SCN7A: variants seen among roughly 807,000 people sequenced by gnomAD.
The protein encoded by SCN7A is sodium channel protein type 7 subunit alpha.
A neutral mutation model predicts 155.2 loss-of-function variants in SCN7A; 138 were observed. The observed-to-expected ratio is 0.89, with a 90% CI of 0.77 to 1.02. The LOEUF (loss-of-function observed/expected upper bound fraction) is 1.02, where lower values mean the gene tolerates loss of function less well. SCN7A is among the 50% of genes least tolerant of loss of function. SCN7A has a pLI of 0.00. For missense variants in SCN7A, 2,058 were observed against 1,986.6 expected (o/e 1.04, Z -0.68); for synonymous variants, 693 against 649.0 (o/e 1.07, Z -1.03).
chr2:166,419,541 AT>A (rs1010842998), intron 20 of SCN7A, among the ~76,000 whole-genome samples: 1 of 151,634 alleles, frequency 6.6e-6, no homozygotes, highest in East Asian at 2.0e-4. Context: ...TAATTTTTGT[AT>A]TTTTTGTAGA....
chr2:166,488,861 T>C (rs1172382), intron 1 of SCN7A, among the ~76,000 whole-genome samples: 150,200 of 152,156 alleles, frequency 0.99, 74,168 homozygotes, highest in Middle Eastern at 1. Flanking sequence ...TGGTTTCAAA[T>C]TCCTGACCTC....
chr2:166,490,194 T>A (rs959247162), intron 1 of SCN7A, among the ~76,000 whole-genome samples: 21 of 152,136 alleles, frequency 1.4e-4, no homozygotes, highest in African/African-American at 5.1e-4. Flanking sequence ...AGAACACTTA[T>A]ACTTATGCCT....
chr2:166,416,843 C>G lies in SCN7A; in HGVS notation c.3278G>C (p.Gly1093Ala). The change falls in exon 21 of 26, where the codon GGA becomes GCA. Residue 1093 changes from glycine (G) to alanine (A), a missense_variant. Coordinates refer to ENST00000643258, the MANE Select transcript of SCN7A (RefSeq NM_002976.4). ...GACTTCAGATGAAGGAAACCTTTCT[C>G]CACTTGTTGGGTCAATGCATTCATA... Reference protein sequence around the residue: ...RFYECIDPTSGERFPSSEVMN... With the variant: ...RFYECIDPTSAERFPSSEVMN... The G allele has an allele frequency of 6.2e-7, 1 of 1,613,670 alleles. No individual in the cohort carries two copies. Among genetic ancestry groups the G allele is most frequent in the Non-Finnish European group, 8.5e-7 (1 of 1,179,762 alleles).
intron 11 of SCN7A, among the ~76,000 whole-genome samples, chr2:166,453,639 C>A (rs1303197639): frequency 1.3e-5 from 2 of 152,124 alleles, no homozygotes; most frequent in African/African-American, 2.4e-5. Flanking sequence ...ACAAACTTGG[C>A]AAACATCATT....
chr2:166,441,375 G>T (rs777757175), intron 15 of SCN7A, 21 bp downstream of exon 15: 8 of 1,507,294 alleles, frequency 5.3e-6, no homozygotes, highest in Admixed American at 2.0e-5. Flanking sequence ...CATGGAAAAT[G>T]TAAAAGAATT....
At chr2:166,471,674 T>C (rs893867494) in intron 6 of SCN7A, among the ~76,000 whole-genome samples, 3 of 129,942 alleles carry the variant, frequency 2.3e-5, no homozygotes, top group African/African-American at 1.0e-4. Context: ...TAGAAGCATT[T>C]TAAAAAGAGA....
Position 166,431,508 on chromosome 2 carries a change from G to T in SCN7A, c.2592+810C>A, listed in dbSNP as rs1053053648. ...CTGAGTGATCTGAAATGATTCCCTA[G>T]TGGGGTCCAAGGTAAAAAGCCCTTG... On this transcript the variant is annotated intron_variant, in intron 16 of 25. Transcript: ENST00000643258. Among the ~76,000 whole-genome samples, 5 of 152,040 alleles carry T rather than the reference G, an allele frequency of 3.3e-5. No individual in the cohort carries two copies. The South Asian group carries it at 1.0e-3, about 32-fold the overall frequency.
intron 11 of SCN7A, among the ~76,000 whole-genome samples, chr2:166,451,072 T>C (rs1702166968): frequency 1.3e-5 from 2 of 152,156 alleles, no homozygotes; most frequent in South Asian, 2.1e-4. Context: ...TTACTCTTCA[T>C]AGAGCTGTTT....
rs1702003693 is a variant in SCN7A at position 166,443,595 on chromosome 2, T to C, written c.1708A>G (p.Asn570Asp). Reference sequence around the variant, plus strand: ...AACACTATCATGCTATCAAAAATGTTCCAACCTACTTGGAAATACCCATAT... The same window carrying C: ...AACACTATCATGCTATCAAAAATGTCCCAACCTACTTGGAAATACCCATAT... ...HPYGYFQVGW[N>D]IFDSMIVFHG... The change falls in exon 14 of 26, where the codon AAC becomes GAC. Residue 570 changes from asparagine to aspartate, a missense_variant. Transcript: ENST00000643258. 2 of 1,582,518 alleles carry C rather than the reference T, an allele frequency of 1.3e-6. No individual in the cohort carries two copies. The highest frequency in any genetic ancestry group is 1.7e-6 in the Non-Finnish European group (2 of 1,163,216).
intron 21 of SCN7A, among the ~76,000 whole-genome samples, chr2:166,414,277 TA>T (rs1364926755): frequency 3.0e-5 from 1 of 33,078 alleles, no homozygotes; most frequent in African/African-American, 1.3e-4. Context: ...CACACATATA[TA>T]TATATATACA....
chr2:166,406,306 A>G lies in SCN7A; in HGVS notation c.4323T>C (p.Asp1441=). Residue 1441 remains aspartate (D), a synonymous_variant, in exon 26 of 26, where the codon GAT becomes GAC. Coordinates refer to ENST00000643258, the MANE Select transcript of SCN7A (RefSeq NM_002976.4). ...AIFAGWDGML[D]AIFNSKWSDC... ...CAGACCATTTACTGTTGAAAATTGCATCAAGCATCCCATCCCAACCAGCAA... is the reference window on the plus strand; with the variant it reads ...CAGACCATTTACTGTTGAAAATTGCGTCAAGCATCCCATCCCAACCAGCAA... 1 of 1,613,176 alleles carries G rather than the reference A, an allele frequency of 6.2e-7. No individual in the cohort carries two copies. Among genetic ancestry groups the G allele is most frequent in the Non-Finnish European group, 8.5e-7 (1 of 1,179,432 alleles).
intron 2 of SCN7A, among the ~76,000 whole-genome samples, chr2:166,484,383 A>G (rs1397286258): frequency 7.2e-5 from 11 of 151,888 alleles, no homozygotes; most frequent in East Asian, 1.9e-4. Context: ...ATAAATAGAT[A>G]TATTTATGTA....
chr2:166,451,863 C>A (rs80305454), intron 11 of SCN7A, among the ~76,000 whole-genome samples: 1,955 of 152,254 alleles, frequency 0.013, 49 homozygotes, highest in African/African-American at 0.045. Flanking sequence ...AATATCCAGC[C>A]TCAACAATTA....
At chr2:166,484,177 C>A (rs1575068950) in intron 2 of SCN7A, among the ~76,000 whole-genome samples, 1 of 151,874 alleles carries the variant, frequency 6.6e-6, no homozygotes, top group East Asian at 1.9e-4. Context: ...GTATGACTGA[C>A]TGTCATTCAT....
intron 3 of SCN7A, among the ~76,000 whole-genome samples, chr2:166,476,356 GCT>G (rs903498971): frequency 6.6e-6 from 1 of 151,880 alleles, no homozygotes; most frequent in African/African-American, 2.4e-5. Context: ...ATCATTGAAT[GCT>G]CTACAAGAAT....
chr2:166,456,745 T>A (rs983870993), intron 11 of SCN7A, 125 bp downstream of exon 11: 1 of 470,452 alleles, frequency 2.1e-6, no homozygotes, highest in Non-Finnish European at 3.4e-6. Context: ...TGAACTGTCT[T>A]AACAGAGCCT....
intron 15 of SCN7A, among the ~76,000 whole-genome samples, chr2:166,433,967 C>T (rs913624216): frequency 6.6e-6 from 1 of 152,044 alleles, no homozygotes; most frequent in Non-Finnish European, 1.5e-5. Flanking sequence ...TGATCACTTT[C>T]CAGAGAATCA....
chr2:166,489,927 T>G (rs1683047239), intron 1 of SCN7A, among the ~76,000 whole-genome samples: 1 of 152,076 alleles, frequency 6.6e-6, no homozygotes, highest in Non-Finnish European at 1.5e-5. Context: ...ACTGCCATTT[T>G]AAAAAATATT....
At position 166,441,564 on chromosome 2, in the gene SCN7A, G is replaced by C. The variant is rs771310468; in HGVS notation, c.1989C>G (p.Asp663Glu). 1.1e-5 allele frequency: 17 copies of C among 1,613,948 alleles called. No homozygotes were observed. The highest frequency in any genetic ancestry group is 1.3e-5 in the African/African-American group (1 of 74,920). Residue 663 changes from aspartate to glutamate, a missense_variant, in exon 15 of 26, where the codon GAC becomes GAG. Physicochemically the swap from Asp to Glu is conservative, Grantham distance 45. Coordinates refer to ENST00000643258, the MANE Select transcript of SCN7A (RefSeq NM_002976.4). ...YEEFVCHIDK[D>E]CQLPRWHMHD... ...GCATGTGCCAGCGTGGGAGTTGACA[G>C]TCTTTGTCTATGTGGCAGACAAATT...
Sources: gnomAD v4.1 joint callset for allele counts (sites outside exome capture counted in the v4.1 genomes callset) on GRCh38, gnomAD v4.1.1 for gene constraint, MANE v1.5 for transcripts, NCBI Gene and HGNC (gene_info 2026-07-23, HGNC 2026-07-21) for gene names.